The following HYCC2 variants were observed in gnomAD, a reference collection of about 807,000 sequenced individuals.
The protein encoded by HYCC2 is hyccin 2.
At chr2:200,993,182 T>C in the HYCC2 span, among the ~76,000 whole-genome samples, 7 of 152,190 alleles carry the variant, frequency 4.6e-5, 1 homozygote, top group South Asian at 1.2e-3. Context: ...AGATAAAAAA[T>C]AAAAAATAAA....
At chr2:201,010,657 ATTCTT>A in the HYCC2 span, among the ~76,000 whole-genome samples, 36 of 152,184 alleles carry the variant, frequency 2.4e-4, no homozygotes, top group African/African-American at 8.4e-4. Context: ...GAGTGTCAAC[ATTCTT>A]TTAAGTAGTT....
the HYCC2 span, among the ~76,000 whole-genome samples, chr2:201,016,194 C>T: frequency 2.0e-5 from 3 of 150,788 alleles, no homozygotes; most frequent in Non-Finnish European, 4.4e-5. Context: ...GTTTTACATA[C>T]TTTATAAAAT....
At chr2:201,004,201 A>G in the HYCC2 span, among the ~76,000 whole-genome samples, 5 of 152,258 alleles carry the variant, frequency 3.3e-5, no homozygotes, top group African/African-American at 1.2e-4. Flanking sequence ...CTGGCCTAAT[A>G]AAGGGGTGCC....
At chr2:201,061,092 T>C in the HYCC2 span, among the ~76,000 whole-genome samples, 339 of 152,074 alleles carry the variant, frequency 2.2e-3, 3 homozygotes, top group African/African-American at 7.9e-3. Context: ...AAGGAACATT[T>C]TAATGGAAGA....
chr2:201,034,362 G>A, the HYCC2 span, among the ~76,000 whole-genome samples: 1 of 152,254 alleles, frequency 6.6e-6, no homozygotes, highest in South Asian at 2.1e-4. Flanking sequence ...ATTATGTAAT[G>A]GCCTTCTTTG....
chr2:200,990,666 G>A, the HYCC2 span, among the ~76,000 whole-genome samples: 20 of 152,026 alleles, frequency 1.3e-4, no homozygotes, highest in South Asian at 1.5e-3. Context: ...TCCACCTCCC[G>A]GGTTTAAGCA....
At chr2:201,066,454 T>G in the HYCC2 span, among the ~76,000 whole-genome samples, 1 of 152,144 alleles carries the variant, frequency 6.6e-6, no homozygotes, top group African/African-American at 2.4e-5. Flanking sequence ...CCCCACACCT[T>G]TTTTCATTTA....
the HYCC2 span, among the ~76,000 whole-genome samples, chr2:200,993,239 C>T: frequency 1.3e-5 from 2 of 152,160 alleles, no homozygotes; most frequent in African/African-American, 4.8e-5. Context: ...AGTGGACTGC[C>T]CATAAAAGCA....
At chr2:201,007,599 G>A in the HYCC2 span, among the ~76,000 whole-genome samples, 1 of 152,160 alleles carries the variant, frequency 6.6e-6, no homozygotes, top group Non-Finnish European at 1.5e-5. Context: ...TCTGGCCTTT[G>A]CTCCTAGGAA....
chr2:201,005,868 T>G, the HYCC2 span, among the ~76,000 whole-genome samples: 3 of 152,202 alleles, frequency 2.0e-5, no homozygotes, highest in Admixed American at 2.0e-4. Context: ...AGTTTCACTC[T>G]GTCGCCAAGG....
At chr2:201,067,840 G>A in the HYCC2 span, among the ~76,000 whole-genome samples, 435 of 152,292 alleles carry the variant, frequency 2.9e-3, 2 homozygotes, top group African/African-American at 0.01. Flanking sequence ...GGATATAAAT[G>A]TCTATACAAA....
the HYCC2 span, chr2:201,022,428 G>C: frequency 6.8e-5 from 18 of 263,470 alleles, no homozygotes; most frequent in South Asian, 4.7e-4. Context: ...TCACTGACTA[G>C]AGTGATTATA....
chr2:200,994,811 G>A, the HYCC2 span, among the ~76,000 whole-genome samples: 2 of 151,538 alleles, frequency 1.3e-5, no homozygotes, highest in African/African-American at 2.4e-5. Context: ...GACCAGCCTG[G>A]ACAACACGGT....
the HYCC2 span, chr2:200,976,311 G>A: frequency 2.0e-5 from 3 of 152,054 alleles, no homozygotes; most frequent in African/African-American, 7.2e-5. Flanking sequence ...TGAAAACAAA[G>A]ATGTAACTGA....
the HYCC2 span, chr2:201,023,748 G>A: frequency 5.1e-6 from 2 of 394,846 alleles, no homozygotes; most frequent in Admixed American, 8.5e-5. Context: ...TCATCTTTAT[G>A]TATCACCTTC....
chr2:201,044,197 C>T, the HYCC2 span, among the ~76,000 whole-genome samples: 1 of 152,180 alleles, frequency 6.6e-6, no homozygotes. Context: ...AAGAGGCTAT[C>T]ACAGAAAATG....
chr2:201,017,858 A>C, the HYCC2 span, among the ~76,000 whole-genome samples: 2 of 152,224 alleles, frequency 1.3e-5, no homozygotes, highest in Non-Finnish European at 2.9e-5. Context: ...ATTGTCTCTA[A>C]GTGCTCAGTG....
At chr2:201,045,905 C>T in the HYCC2 span, among the ~76,000 whole-genome samples, 1 of 152,242 alleles carries the variant, frequency 6.6e-6, no homozygotes, top group East Asian at 1.9e-4. Flanking sequence ...AAGTCCCTTC[C>T]AGACAAAAAT....
chr2:201,019,776 T>C, the HYCC2 span, among the ~76,000 whole-genome samples: 1 of 150,260 alleles, frequency 6.7e-6, no homozygotes, highest in East Asian at 1.9e-4. Flanking sequence ...AAAGAAAAAT[T>C]GCCAATGCTA....
Sources: allele counts gnomAD v4.1 joint callset (sites outside exome capture counted in the v4.1 genomes callset), GRCh38; gene constraint gnomAD v4.1.1; transcripts MANE v1.5; gene names NCBI Gene and HGNC (gene_info 2026-07-23, HGNC 2026-07-21).